The following PAPSS1 variants were observed in gnomAD, a reference collection of about 807,000 sequenced individuals.
The protein encoded by PAPSS1 is bifunctional 3'-phosphoadenosine 5'-phosphosulfate synthase 1.
PAPSS1 carries 50 observed loss-of-function variants against 72.0 expected under a neutral mutation model. The observed-to-expected ratio is 0.69, with a 90% CI of 0.55 to 0.88. The LOEUF (loss-of-function observed/expected upper bound fraction) is 0.88. Among genes scored for constraint, PAPSS1 ranks in the 40% least tolerant of loss-of-function variants. The probability of loss-of-function intolerance (pLI) is 0.00; values close to 1 mark genes in which losing one functional copy is unlikely to be tolerated. For synonymous variants in PAPSS1, 261 were observed against 263.6 expected (o/e 0.99, Z 0.09); for missense variants, 657 against 782.2 (o/e 0.84, Z 1.91).
chr4:107,672,616 G>C (rs1010069933), intron 5 of PAPSS1, among the ~76,000 whole-genome samples: 88 of 152,202 alleles, frequency 5.8e-4, no homozygotes, highest in Non-Finnish European at 9.6e-4. Context: ...AGGCCTGCCT[G>C]CCTCTGTAGA....
chr4:107,660,003 C>A lies in PAPSS1; in HGVS notation c.739G>T (p.Ala247Ser). Residue 247 changes from alanine to serine, a missense_variant, in exon 6 of 12, where the codon GCA (alanine) becomes TCA (serine). Transcript: ENST00000265174. ...GGTAATGTTTCCGCATCTGTTTTTG[C>A]CAAATGAAGTTTATTTTCTGGCACA... The part of the protein sequence containing the change: ...LYVPENKLHL[A>S]KTDAETLPAL... 2 of 1,607,734 alleles carry A rather than the reference C, an allele frequency of 1.2e-6. No homozygotes were observed. Among genetic ancestry groups the A allele is most frequent in the Non-Finnish European group, 1.7e-6 (2 of 1,176,680 alleles).
chr4:107,631,598 T>G, intron 11 of PAPSS1, 33 bp downstream of exon 11: 1 of 1,496,582 alleles, frequency 6.7e-7, no homozygotes. Context: ...CACGAAGTAC[T>G]TCAAAGATTT....
chr4:107,691,400 T>G (rs908883252), intron 3 of PAPSS1, among the ~76,000 whole-genome samples: 1 of 152,194 alleles, frequency 6.6e-6, no homozygotes, highest in Admixed American at 6.5e-5. Flanking sequence ...CAGCAATAAC[T>G]GGCAGAGCTG....
chr4:107,675,529 T>C (rs564472316), intron 5 of PAPSS1, among the ~76,000 whole-genome samples: 2 of 152,234 alleles, frequency 1.3e-5, no homozygotes, highest in Admixed American at 1.3e-4. Flanking sequence ...GCTCTGAAAT[T>C]GAGGCAATAA....
At chr4:107,683,851 G>C (rs1722698932) in intron 4 of PAPSS1, among the ~76,000 whole-genome samples, 1 of 151,598 alleles carries the variant, frequency 6.6e-6, no homozygotes, top group African/African-American at 2.4e-5. Context: ...AAATAGAGTT[G>C]ATAGGGAACT....
intron 9 of PAPSS1, among the ~76,000 whole-genome samples, chr4:107,651,292 C>T (rs1726832808): frequency 6.6e-6 from 1 of 152,164 alleles, no homozygotes; most frequent in Non-Finnish European, 1.5e-5. Flanking sequence ...CTGAGGCCTC[C>T]AGTTCTTAAC....
At chr4:107,637,336 A>G (rs998721782) in intron 10 of PAPSS1, among the ~76,000 whole-genome samples, 19 of 152,184 alleles carry the variant, frequency 1.2e-4, no homozygotes, top group Non-Finnish European at 1.9e-4. Context: ...AAACCTGGCA[A>G]AGACTTCGGT....
At chr4:107,666,828 T>C (rs913323054) in intron 5 of PAPSS1, among the ~76,000 whole-genome samples, 2 of 152,160 alleles carry the variant, frequency 1.3e-5, no homozygotes, top group African/African-American at 2.4e-5. Context: ...TCCCAGACCA[T>C]AGTACTTTCT....
rs140247884 is a variant in PAPSS1, at chr4:107,679,780, A to C, written c.669+2235T>G. On this transcript the variant is annotated intron_variant, in intron 5 of 11. Transcript: ENST00000265174. The stretch of plus-strand genomic sequence containing the variant: ...TGCAACTTCCACCCCCCCAGATTCA[A>C]GCACTCCTCAAGATAGGACTTTTTA... 4.1e-3 allele frequency among the ~76,000 whole-genome samples: 624 copies of C among 152,106 alleles called. 9 individuals are homozygous for C. Among genetic ancestry groups the C allele is most frequent in the African/African-American group, 0.014 (584 of 41,450 alleles).
intron 1 of PAPSS1, among the ~76,000 whole-genome samples, chr4:107,705,415 C>G (rs1270609839): frequency 6.6e-6 from 1 of 152,180 alleles, no homozygotes; most frequent in African/African-American, 2.4e-5. Context: ...CCCTTGTTCT[C>G]TCTCTCCTGC....
intron 1 of PAPSS1, among the ~76,000 whole-genome samples, chr4:107,708,857 C>G (rs2726172): frequency 0.83 from 126,212 of 152,236 alleles, 54,051 homozygotes; most frequent in South Asian, 0.95. Flanking sequence ...TCCATATGTA[C>G]TAAACTAACC....
intron 5 of PAPSS1, among the ~76,000 whole-genome samples, chr4:107,677,989 G>C (rs1301270765): frequency 6.6e-6 from 1 of 152,064 alleles, no homozygotes; most frequent in Non-Finnish European, 1.5e-5. Flanking sequence ...TGAACAATGA[G>C]AACACATGGA....
At chr4:107,658,943 T>A (rs1391020778) in intron 6 of PAPSS1, among the ~76,000 whole-genome samples, 1 of 152,192 alleles carries the variant, frequency 6.6e-6, no homozygotes, top group Non-Finnish European at 1.5e-5. Flanking sequence ...ACCAATGAAT[T>A]GAAAATACAT....
At chr4:107,688,118 TC>T (rs1722834893) in intron 3 of PAPSS1, among the ~76,000 whole-genome samples, 1 of 152,092 alleles carries the variant, frequency 6.6e-6, no homozygotes, top group African/African-American at 2.4e-5. Flanking sequence ...TACTAGGAAT[TC>T]CCTCCCCTTT....
At chr4:107,668,798 C>T (rs1184034758) in intron 5 of PAPSS1, among the ~76,000 whole-genome samples, 2 of 151,930 alleles carry the variant, frequency 1.3e-5, no homozygotes, top group South Asian at 2.1e-4. Context: ...AATATATATA[C>T]ACACACACAT....
chr4:107,614,096 A>G lies in PAPSS1; in HGVS notation c.*153T>C. The G allele has an allele frequency of 3.1e-6, 2 of 636,104 alleles. No individual in the cohort carries two copies. The highest frequency in any genetic ancestry group is 5.3e-6 in the Non-Finnish European group (2 of 378,954). The allele number at this position is 636,104 out of a possible 1,614,324, so 39.4% of individuals were successfully genotyped here. A position where few individuals can be genotyped will look rare whatever the true frequency, so the allele number is the denominator to read the frequency against. ...GTTACACTTGTTCAAAACAGAACTC[A>G]TAAGGCAGACCAAAACTGATGCAAG... On this transcript the variant is annotated 3_prime_UTR_variant, in exon 12 of 12. Coordinates refer to ENST00000265174, the MANE Select transcript of PAPSS1 (RefSeq NM_005443.5).
In PAPSS1 at chr4:107,687,067, G is replaced by T; in HGVS notation, c.522C>A (p.Tyr174Ter). The T allele has an allele frequency of 3.1e-6, 5 of 1,595,242 alleles. No individual in the cohort carries two copies. Among genetic ancestry groups the T allele is most frequent in the Non-Finnish European group, 4.3e-6 (5 of 1,173,818 alleles). ...VCEQRDVKGL[Y>*]KKARAGEIKG... ...TAATTTCTCCTGCCCGGGCTTTTTT[G>T]TAGAGTCCTTTGACATCCCTCTGTT... The change falls in exon 4 of 12, where the codon TAC becomes TAA. Residue 174 changes from tyrosine (Y) to a stop codon, truncating the protein, a stop_gained. Transcript: ENST00000265174. LOFTEE classifies it high-confidence loss of function.
chr4:107,620,968 A>T (rs1253886226), intron 11 of PAPSS1, among the ~76,000 whole-genome samples: 1 of 152,252 alleles, frequency 6.6e-6, no homozygotes, highest in Non-Finnish European at 1.5e-5. Flanking sequence ...GTAAGAAAGA[A>T]GGTCAATGAC....
At chr4:107,633,617 C>T (rs969410632) in intron 10 of PAPSS1, among the ~76,000 whole-genome samples, 8 of 151,828 alleles carry the variant, frequency 5.3e-5, no homozygotes, top group Non-Finnish European at 1.2e-4. Flanking sequence ...GAAATGGCAG[C>T]GTAAAAAGAA....
Sources: gnomAD v4.1 joint callset for allele counts (sites outside exome capture counted in the v4.1 genomes callset) on GRCh38, gnomAD v4.1.1 for gene constraint, MANE v1.5 for transcripts, NCBI Gene and HGNC (gene_info 2026-07-23, HGNC 2026-07-21) for gene names.